Variants in PSMA1 observed in about 807,000 individuals in gnomAD.
PSMA1 encodes proteasome 20S subunit alpha 1, also known as proteasome subunit alpha type-1.
A neutral mutation model predicts 38.4 loss-of-function variants in PSMA1; 3 were observed. The observed-to-expected ratio is 0.08, with a 90% CI of 0.04 to 0.20. PSMA1 has a LOEUF of 0.20. Ranked by LOEUF, PSMA1 falls within the 10% of genes least tolerant of loss-of-function variation. PSMA1 has a pLI of 1.00. For missense variants in PSMA1, 227 were observed against 325.3 expected (o/e 0.70, Z 2.32); for synonymous variants, 101 against 107.1 (o/e 0.94, Z 0.35).
intron 2 of PSMA1, among the ~76,000 whole-genome samples, chr11:14,609,986 G>C (rs1224544746): frequency 1.3e-5 from 2 of 152,174 alleles, no homozygotes; most frequent in Non-Finnish European, 2.9e-5. Flanking sequence ...AGCAGGGGAG[G>C]TGACAAATGG....
intron 2 of PSMA1, among the ~76,000 whole-genome samples, chr11:14,606,127 A>T (rs1852639585): frequency 6.6e-6 from 1 of 152,252 alleles, no homozygotes; most frequent in African/African-American, 2.4e-5. Context: ...CAATTTATTG[A>T]ATAGAGAGTC....
intron 2 of PSMA1, among the ~76,000 whole-genome samples, chr11:14,594,729 G>A (rs998746525): frequency 1.3e-5 from 2 of 151,764 alleles, no homozygotes; most frequent in Non-Finnish European, 2.9e-5. Flanking sequence ...AACTTATATG[G>A]GTCTACTTAT....
At chr11:14,622,283 C>T (rs1047215557) in intron 1 of PSMA1, among the ~76,000 whole-genome samples, 1 of 152,160 alleles carries the variant, frequency 6.6e-6, no homozygotes, top group Admixed American at 6.5e-5. Flanking sequence ...GGATCAGAAA[C>T]AGTTCACATT....
chr11:14,521,360 C>T (rs1851527197), upstream of PSMA1, among the ~76,000 whole-genome samples: 1 of 149,794 alleles, frequency 6.7e-6, no homozygotes, highest in Non-Finnish European at 1.5e-5. Context: ...GGCATGTTGG[C>T]ATGGGCCTGT....
At chr11:14,568,621 G>A (rs1226436149) in intron 2 of PSMA1, among the ~76,000 whole-genome samples, 1 of 152,176 alleles carries the variant, frequency 6.6e-6, no homozygotes, top group African/African-American at 2.4e-5. Flanking sequence ...TTGCAAAAGT[G>A]TCCTTACAAA....
At chr11:14,538,094 T>A (rs548616502) in intron 2 of PSMA1, among the ~76,000 whole-genome samples, 61 of 152,130 alleles carry the variant, frequency 4.0e-4, no homozygotes, top group Non-Finnish European at 6.6e-4. Flanking sequence ...TATAAAAAAA[T>A]TTTTTTTCAG....
At chr11:14,517,222 G>A (rs552270942) in intron 4 of PSMA1, among the ~76,000 whole-genome samples, 2 of 152,272 alleles carry the variant, frequency 1.3e-5, no homozygotes, top group East Asian at 1.9e-4. Context: ...AGTCACTTAT[G>A]TATACCCTGC....
chr11:14,539,221 A>C (rs1046020073), intron 2 of PSMA1, among the ~76,000 whole-genome samples: 6 of 152,238 alleles, frequency 3.9e-5, no homozygotes, highest in African/African-American at 4.8e-5. Context: ...AGTTGGCCGG[A>C]ATGAGATATT....
chr11:14,608,814 A>G (rs2134197448), intron 2 of PSMA1, among the ~76,000 whole-genome samples: 1 of 150,920 alleles, frequency 6.6e-6, no homozygotes, highest in East Asian at 1.9e-4. Flanking sequence ...ATCAAATTCC[A>G]GGGAGAAATT....
intron 1 of PSMA1, among the ~76,000 whole-genome samples, chr11:14,638,573 ATATATATATATATTTTTTTTTTTTTTT>A (rs1348119786): frequency 1.8e-4 from 2 of 11,414 alleles, no homozygotes; most frequent in African/African-American, 6.7e-4. Flanking sequence ...ATATATATAT[ATATATATATATATTTTTTTTTTTTTTT>A]TTTTTTTTTT....
At chr11:14,609,489 TAAG>T (rs914325514) in intron 2 of PSMA1, among the ~76,000 whole-genome samples, 7 of 151,978 alleles carry the variant, frequency 4.6e-5, no homozygotes, top group African/African-American at 1.7e-4. Flanking sequence ...AGTGACATGA[TAAG>T]GAGAAAAAAA....
intron 1 of PSMA1, among the ~76,000 whole-genome samples, chr11:14,627,234 A>G (rs1852922569): frequency 6.6e-6 from 1 of 152,210 alleles, no homozygotes; most frequent in Non-Finnish European, 1.5e-5. Flanking sequence ...AGTTTCATCC[A>G]TAACACTCAT....
intron 4 of PSMA1, among the ~76,000 whole-genome samples, chr11:14,516,499 A>T (rs1036738122): frequency 6.6e-6 from 1 of 152,236 alleles, no homozygotes; most frequent in Non-Finnish European, 1.5e-5. Context: ...CTTATAATTT[A>T]TATTCTTTCT....
chr11:14,605,936 T>C (rs1852637383), intron 2 of PSMA1, among the ~76,000 whole-genome samples: 1 of 152,214 alleles, frequency 6.6e-6, no homozygotes, highest in Non-Finnish European at 1.5e-5. Context: ...TTTTAGAACG[T>C]CATAAATTCT....
chr11:14,627,669 T>C (rs975143650), intron 1 of PSMA1, among the ~76,000 whole-genome samples: 2 of 152,226 alleles, frequency 1.3e-5, no homozygotes, highest in Non-Finnish European at 2.9e-5. Context: ...TACTGGCAGA[T>C]TGTTGTGAGG....
intron 1 of PSMA1, among the ~76,000 whole-genome samples, chr11:14,642,899 T>C (rs964489459): frequency 6.6e-6 from 1 of 152,140 alleles, no homozygotes; most frequent in African/African-American, 2.4e-5. Flanking sequence ...AGAGGATTCC[T>C]AGTTCTCTCC....
At chr11:14,603,435 T>G (rs1852608046) in intron 2 of PSMA1, among the ~76,000 whole-genome samples, 1 of 152,208 alleles carries the variant, frequency 6.6e-6, no homozygotes, top group Admixed American at 6.5e-5. Flanking sequence ...TAGATTTCTT[T>G]CAAGCAAAGG....
chr11:14,548,751 T>C (rs1851854674), intron 2 of PSMA1, among the ~76,000 whole-genome samples: 2 of 152,168 alleles, frequency 1.3e-5, no homozygotes, highest in Non-Finnish European at 2.9e-5. Flanking sequence ...AGAACATAAA[T>C]AAATTAATTC....
At chr11:14,566,335 A>G (rs1463995979) in intron 2 of PSMA1, among the ~76,000 whole-genome samples, 1 of 152,188 alleles carries the variant, frequency 6.6e-6, no homozygotes. Context: ...TAGCAGTGGG[A>G]GCAATGAGAA....
Sources: gnomAD v4.1 joint callset for allele counts (sites outside exome capture counted in the v4.1 genomes callset) on GRCh38, gnomAD v4.1.1 for gene constraint, MANE v1.5 for transcripts, NCBI Gene and HGNC (gene_info 2026-07-23, HGNC 2026-07-21) for gene names.